Variants in CPQ observed in about 807,000 individuals in gnomAD.
CPQ encodes the protein carboxypeptidase Q.
CPQ carries 37 observed loss-of-function variants against 45.7 expected under a neutral mutation model. The observed-to-expected ratio is 0.81, with a 90% confidence interval of 0.62 to 1.07. The LOEUF is 1.07. CPQ is among the 50% of genes least tolerant of loss of function. The pLI, the probability that CPQ is intolerant of heterozygous loss-of-function variation, is 0.00. For missense variants in CPQ, 537 were observed against 572.9 expected (o/e 0.94, Z 0.64); for synonymous variants, 186 against 205.8 (o/e 0.90, Z 0.82).
intron 2 of CPQ, among the ~76,000 whole-genome samples, chr8:96,813,775 A>G (rs1388622579): frequency 6.6e-6 from 1 of 151,850 alleles, no homozygotes. Context: ...GAAAACAAGT[A>G]TTATACTATT....
chr8:96,687,354 A>G (rs1809245770), intron 1 of CPQ, among the ~76,000 whole-genome samples: 1 of 152,086 alleles, frequency 6.6e-6, no homozygotes. Flanking sequence ...CTGGGATTAC[A>G]GACGCACACC....
At chr8:96,964,173 TACACACAC>T (rs71267285) in intron 4 of CPQ, among the ~76,000 whole-genome samples, 2,030 of 133,418 alleles carry the variant, frequency 0.015, 34 homozygotes, top group South Asian at 0.039. Context: ...GGTTAAAGTA[TACACACAC>T]ACACACACAC....
At chr8:97,003,469 C>A (rs564791330) in intron 5 of CPQ, among the ~76,000 whole-genome samples, 4 of 152,122 alleles carry the variant, frequency 2.6e-5, no homozygotes, top group African/African-American at 9.6e-5. Context: ...ACACTATAAG[C>A]CCCTATATAT....
Position 96,722,813 on chromosome 8 carries a change from T to A in CPQ, c.-34-62051T>A, listed in dbSNP as rs184518604. Among the ~76,000 whole-genome samples the A allele has an allele frequency of 3.5e-3, 527 of 152,292 alleles. 1 individual carries two copies. The highest frequency in any genetic ancestry group is 5.1e-3 in the Admixed American group (78 of 15,302). The stretch of plus-strand genomic sequence containing the variant: ...AGCTTCCATTTTGTGTTCCATCAAA[T>A]CATCTATTTTCTTGATTTCCCTGGC... On this transcript the variant is annotated intron_variant, in intron 1 of 7. Coordinates refer to ENST00000220763, the MANE Select transcript of CPQ (RefSeq NM_016134.4).
chr8:96,977,820 A>C (rs1586477069), intron 5 of CPQ, among the ~76,000 whole-genome samples: 1 of 152,324 alleles, frequency 6.6e-6, no homozygotes, highest in Admixed American at 6.5e-5. Context: ...TGGGGACTCA[A>C]GGGAAAGGAT....
At position 97,029,511 on chromosome 8, in the gene CPQ, G is replaced by A; in HGVS notation, c.1053+17G>A. 6.3e-7 allele frequency: 1 copy of A among 1,582,374 alleles called. No homozygotes were observed. The highest frequency in any genetic ancestry group is 1.1e-5 in the South Asian group (1 of 87,508). On this transcript the variant is annotated intron_variant, in intron 6 of 7. Coordinates refer to ENST00000220763, the MANE Select transcript of CPQ (RefSeq NM_016134.4). The stretch of plus-strand genomic sequence containing the variant: ...TTACACAAGGTAAAAACCCAGCTGT[G>A]GATTGCTAAGCATTTGTACATGTAA...
rs572396483 is a variant in CPQ, at chr8:96,705,522, T to C, written c.-35+60120T>C. On this transcript the variant is annotated intron_variant, in intron 1 of 7. Coordinates refer to ENST00000220763, the MANE Select transcript of CPQ (RefSeq NM_016134.4). ...TATCAGGAAGCAGATGGGAAACTTT[T>C]TGAGGGGTAGAGGCATTTAAATTCT... Among the ~76,000 whole-genome samples the C allele has an allele frequency of 9.9e-5, 15 of 152,274 alleles. No homozygotes were observed. The South Asian group carries it at 2.5e-3, about 25-fold the overall frequency.
chr8:96,713,877 C>CTAT (rs1809644343), intron 1 of CPQ, among the ~76,000 whole-genome samples: 1 of 152,202 alleles, frequency 6.6e-6, no homozygotes, highest in Non-Finnish European at 1.5e-5. Flanking sequence ...TTGAAAAAGA[C>CTAT]TATTTCTCCT....
chr8:96,925,979 C>T (rs1380257744), intron 4 of CPQ, among the ~76,000 whole-genome samples: 21 of 151,904 alleles, frequency 1.4e-4, no homozygotes, highest in Admixed American at 3.9e-4. Flanking sequence ...TGAGCCACCG[C>T]GCCCGGCTGG....
chr8:96,796,562 G>A (rs1023947562), intron 2 of CPQ, among the ~76,000 whole-genome samples: 1 of 152,098 alleles, frequency 6.6e-6, no homozygotes, highest in Non-Finnish European at 1.5e-5. Flanking sequence ...CTGCAAAATA[G>A]CAAAGTTGAC....
chr8:97,067,437 A>C (rs189187285), intron 7 of CPQ, among the ~76,000 whole-genome samples: 5 of 152,328 alleles, frequency 3.3e-5, no homozygotes, highest in Admixed American at 2.0e-4. Context: ...AACAGTTTTA[A>C]CATTGCTGTA....
intron 4 of CPQ, among the ~76,000 whole-genome samples, chr8:96,945,761 C>G (rs1813180680): frequency 6.6e-6 from 1 of 152,182 alleles, no homozygotes; most frequent in Admixed American, 6.5e-5. Flanking sequence ...GTTCGCTTGT[C>G]CCCATTTTAT....
intron 1 of CPQ, among the ~76,000 whole-genome samples, chr8:96,726,741 T>C (rs1809847215): frequency 6.6e-6 from 1 of 152,116 alleles, no homozygotes; most frequent in African/African-American, 2.4e-5. Context: ...GGTGTGGACA[T>C]AGATCCAAAC....
At chr8:96,974,214 G>A (rs572551462) in intron 5 of CPQ, among the ~76,000 whole-genome samples, 4 of 152,184 alleles carry the variant, frequency 2.6e-5, no homozygotes, top group Admixed American at 1.3e-4. Flanking sequence ...GCGAGCAGGT[G>A]TAGCTATTCT....
At chr8:96,680,070 C>T (rs111669683) in intron 1 of CPQ, among the ~76,000 whole-genome samples, 3,679 of 152,198 alleles carry the variant, frequency 0.024, 162 homozygotes, top group African/African-American at 0.084. Flanking sequence ...AAACTTCCCT[C>T]TTGGCACTGC....
At chr8:96,690,982 G>A (rs2130737026) in intron 1 of CPQ, among the ~76,000 whole-genome samples, 1 of 145,262 alleles carries the variant, frequency 6.9e-6, no homozygotes, top group East Asian at 1.9e-4. Flanking sequence ...TTTTTCCAAG[G>A]CAATATCCAT....
At chr8:96,932,522 G>T (rs1812988532) in intron 4 of CPQ, among the ~76,000 whole-genome samples, 1 of 152,092 alleles carries the variant, frequency 6.6e-6, no homozygotes, top group Admixed American at 6.5e-5. Flanking sequence ...TCGTTAAATG[G>T]TATAGTTGCT....
intron 1 of CPQ, among the ~76,000 whole-genome samples, chr8:96,704,652 A>T (rs1240623265): frequency 6.6e-6 from 1 of 152,086 alleles, no homozygotes; most frequent in Non-Finnish European, 1.5e-5. Flanking sequence ...GAGAGGTAGG[A>T]GAGGGCAGGA....
chr8:96,856,597 T>C (rs775377433), intron 3 of CPQ, among the ~76,000 whole-genome samples: 1 of 152,172 alleles, frequency 6.6e-6, no homozygotes, highest in Non-Finnish European at 1.5e-5. Context: ...TCCTTGAATG[T>C]ATGTGTATAT....
Sources: allele counts gnomAD v4.1 joint callset (sites outside exome capture counted in the v4.1 genomes callset), GRCh38; gene constraint gnomAD v4.1.1; transcripts MANE v1.5; gene names NCBI Gene and HGNC (gene_info 2026-07-23, HGNC 2026-07-21).